AFF1: variants seen among roughly 807,000 people sequenced by gnomAD.
AFF1 encodes the protein ALF transcription elongation factor 1.
A neutral mutation model predicts 121.7 loss-of-function variants in AFF1; 48 were observed. The observed-to-expected ratio is 0.39, with a 90% confidence interval of 0.31 to 0.50. The LOEUF (loss-of-function observed/expected upper bound fraction) is 0.50, where lower values mean the gene tolerates loss of function less well. Among genes scored for constraint, AFF1 ranks in the 20% least tolerant of loss-of-function variants. The pLI is 0.76. For synonymous variants in AFF1, 613 were observed against 563.0 expected, an observed-to-expected ratio of 1.09 and a Z score of -1.26; for missense variants, 1,523 against 1,511.7, an observed-to-expected ratio of 1.01 and a Z score of -0.12.
chr4:87,119,003 A>AG (rs572309666), intron 12 of AFF1, among the ~76,000 whole-genome samples: 1 of 148,846 alleles, frequency 6.7e-6, no homozygotes, highest in African/African-American at 2.5e-5. Context: ...GATTGGTTGT[A>AG]GGGGGGACCA....
chr4:86,936,224 G>T (rs1719981221), intron 1 of AFF1: 1 of 152,254 alleles, frequency 6.6e-6, no homozygotes, highest in Admixed American at 6.5e-5. Context: ...TAAGGGTGGA[G>T]CCGGAGATAA....
chr4:87,047,238 A>T lies in AFF1; in HGVS notation c.703A>T (p.Ser235Cys). The T allele has an allele frequency of 1.9e-6, 3 of 1,614,224 alleles. No individual in the cohort carries two copies. Among genetic ancestry groups the T allele is most frequent in the Non-Finnish European group, 2.5e-6 (3 of 1,180,052 alleles). The change falls in exon 4 of 21, where the codon AGC (serine) becomes TGC (cysteine). Residue 235 changes from serine (S) to cysteine (C), a missense_variant. By Grantham distance (112) the Ser-to-Cys change is moderately radical (BLOSUM62 -1). This residue lies in a region of AFF1 where 369 missense variants were observed against 367.2 expected (regional missense o/e 1.00). Transcript: ENST00000395146. ...QQTLPRTQGS[S>C]KVHGSSNNSK... The stretch of plus-strand genomic sequence containing the variant: ...AACTCTTCCCCGGACGCAAGGAAGC[A>T]GCAAGGTTCATGGCAGCAGCAATAA...
chr4:87,134,571 G>A lies in AFF1; in HGVS notation c.3412G>A (p.Ala1138Thr). 1 of 1,614,070 alleles carries A rather than the reference G, an allele frequency of 6.2e-7. No homozygotes were observed. Among genetic ancestry groups the A allele is most frequent in the Non-Finnish European group, 8.5e-7 (1 of 1,179,998 alleles). The change falls in exon 20 of 21, where the codon GCC becomes ACC. Residue 1138 changes from alanine (A) to threonine (T), a missense_variant. Physicochemically the swap from Ala to Thr is moderately conservative, Grantham distance 58. Transcript: ENST00000395146. ...AGSVGSSGVA[A>T]TISTPVTIQN... ...CAGTGTGGGGAGCAGTGGGGTGGCT[G>A]CCACTATCAGCACCCCAGTCACCAT...
At chr4:86,947,409 G>T (rs1720941198) in intron 1 of AFF1, among the ~76,000 whole-genome samples, 1 of 152,200 alleles carries the variant, frequency 6.6e-6, no homozygotes, top group Non-Finnish European at 1.5e-5. Flanking sequence ...GAATAGAGCT[G>T]TGAAGGACTA....
chr4:87,094,812 A>G, intron 7 of AFF1, 103 bp from the exon 8 acceptor site: 2 of 968,052 alleles, frequency 2.1e-6, no homozygotes, highest in Non-Finnish European at 3.3e-6. Flanking sequence ...TACCAAGTGC[A>G]GTGTGTTTAG....
intron 2 of AFF1, among the ~76,000 whole-genome samples, chr4:86,990,539 G>T (rs17012234): frequency 0.22 from 33,614 of 151,946 alleles, 3,966 homozygotes; most frequent in East Asian, 0.33. Context: ...TACCCCAAGT[G>T]TGGTTTCAGA....
At chr4:87,045,557 C>G (rs908780556) in intron 2 of AFF1, among the ~76,000 whole-genome samples, 2 of 151,740 alleles carry the variant, frequency 1.3e-5, no homozygotes, top group Non-Finnish European at 2.9e-5. Flanking sequence ...GAGCTGACAT[C>G]TATAATTGGA....
At chr4:87,061,644 G>A (rs1365925650) in intron 4 of AFF1, among the ~76,000 whole-genome samples, 1 of 152,182 alleles carries the variant, frequency 6.6e-6, no homozygotes, top group Admixed American at 6.5e-5. Context: ...GTTAGGCAGG[G>A]TGCATGTGCT....
chr4:87,019,885 G>GGGC (rs1553918039), intron 2 of AFF1, among the ~76,000 whole-genome samples: 2 of 31,518 alleles, frequency 6.3e-5, no homozygotes, highest in Non-Finnish European at 2.1e-4. Flanking sequence ...TGAAGGGGTC[G>GGGC]GGGGGGGGCA....
chr4:87,131,238 T>C lies in AFF1; in HGVS notation c.3101+19T>C, dbSNP rs1325091974. The stretch of plus-strand genomic sequence containing the variant: ...TCATTAAGTAAGTGCCGAGTCATTG[T>C]GCTTTCCTCTTAAGTCCTTTTCTTT... On this transcript the variant is annotated intron_variant, in intron 17 of 20. Transcript: ENST00000395146. The C allele has an allele frequency of 1.2e-6, 2 of 1,613,320 alleles. No homozygotes were observed. The highest frequency in any genetic ancestry group is 2.2e-5 in the East Asian group (1 of 44,894).
At chr4:86,959,251 G>A (rs1177180346) in intron 2 of AFF1, among the ~76,000 whole-genome samples, 1 of 152,056 alleles carries the variant, frequency 6.6e-6, no homozygotes, top group East Asian at 1.9e-4. Flanking sequence ...TTGCCCAGGA[G>A]TGCCGGTATT....
intron 8 of AFF1, among the ~76,000 whole-genome samples, chr4:87,104,756 T>C (rs1276292472): frequency 6.6e-6 from 1 of 152,214 alleles, no homozygotes. Context: ...GGTGGAGTTT[T>C]TAAAATTTGA....
chr4:87,104,252 A>G (rs1725695944), intron 8 of AFF1, among the ~76,000 whole-genome samples: 1 of 152,148 alleles, frequency 6.6e-6, no homozygotes, highest in South Asian at 2.1e-4. Flanking sequence ...CAAAAACACA[A>G]AAATTAGCCG....
chr4:86,960,124 G>A (rs916556267), intron 2 of AFF1, among the ~76,000 whole-genome samples: 1 of 152,116 alleles, frequency 6.6e-6, no homozygotes, highest in Non-Finnish European at 1.5e-5. Context: ...TTAATTAAAG[G>A]AAAACAGGGT....
chr4:86,946,277 A>G (rs1262349045), intron 1 of AFF1, among the ~76,000 whole-genome samples: 1 of 152,100 alleles, frequency 6.6e-6, no homozygotes, highest in Non-Finnish European at 1.5e-5. Context: ...CTTTTCTAAC[A>G]TCTATATATT....
At chr4:86,936,427 G>A (rs1293773510) in intron 1 of AFF1, 1 of 152,266 alleles carries the variant, frequency 6.6e-6, no homozygotes, top group African/African-American at 2.4e-5. Flanking sequence ...GAGGCGTGGA[G>A]AATTTTGCTT....
chr4:87,115,168 C>G lies in AFF1; in HGVS notation c.2335C>G (p.Arg779Gly). ...MVKITLDLLS[R>G]IPQPPGKGSR... The stretch of plus-strand genomic sequence containing the variant: ...GAAGATCACCCTAGACCTGCTCTCT[C>G]GGATACCCCAGCCTCCCGGGAAGGG... Residue 779 changes from arginine to glycine, a missense_variant, in exon 12 of 21, where the codon CGG becomes GGG. Arg to Gly is a moderately radical substitution (Grantham distance 125). Around this residue, in one of 5 missense-constraint regions of AFF1, gnomAD observed 905 missense variants for 842.5 expected, o/e 1.07. Coordinates refer to ENST00000395146, the MANE Select transcript of AFF1 (RefSeq NM_001166693.3). The G allele has an allele frequency of 6.2e-7, 1 of 1,614,190 alleles. No individual in the cohort carries two copies. Among genetic ancestry groups the G allele is most frequent in the Non-Finnish European group, 8.5e-7 (1 of 1,180,042 alleles).
At chr4:87,069,271 C>CTTTTTTTTTTTTTTTTT (rs753186809) in intron 4 of AFF1, among the ~76,000 whole-genome samples, 1 of 80,562 alleles carries the variant, frequency 1.2e-5, no homozygotes, top group East Asian at 4.1e-4. Flanking sequence ...TGTGTGGCCT[C>CTTTTTTTTTTTTTTTTT]TTTTTTTTTT....
At chr4:86,979,717 G>A (rs536737961) in intron 2 of AFF1, among the ~76,000 whole-genome samples, 19 of 152,208 alleles carry the variant, frequency 1.2e-4, no homozygotes, top group East Asian at 5.8e-4. Context: ...CTTGTCTATC[G>A]GAGTGGCAAA....
Sources: gnomAD v4.1 joint callset for allele counts (sites outside exome capture counted in the v4.1 genomes callset) on GRCh38, gnomAD v4.1.1 for gene constraint, gnomAD v4.1.1 regional missense constraint, MANE v1.5 for transcripts, NCBI Gene and HGNC (gene_info 2026-07-23, HGNC 2026-07-21) for gene names.